FBXW4: variants seen among roughly 807,000 people sequenced by gnomAD.
FBXW4 encodes F-box/WD repeat-containing protein 4.
FBXW4 carries 40 observed loss-of-function variants against 61.8 expected under a neutral mutation model. That is an observed-to-expected ratio of 0.65 (90% CI 0.50 to 0.84). The LOEUF is 0.84. Among genes scored for constraint, FBXW4 ranks in the 40% least tolerant of loss-of-function variants. The pLI is 0.00. For synonymous variants in FBXW4, 311 were observed against 313.8 expected, an observed-to-expected ratio of 0.99 and a Z score of 0.10; for missense variants, 672 against 753.8, an observed-to-expected ratio of 0.89 and a Z score of 1.27.
intron 6 of FBXW4, among the ~76,000 whole-genome samples, chr10:101,619,002 C>G (rs1364619802): frequency 6.6e-6 from 1 of 152,130 alleles, no homozygotes; most frequent in Non-Finnish European, 1.5e-5. Flanking sequence ...GGGCCCCAGA[C>G]AGTCAACACA....
At position 101,676,402 on chromosome 10, in the gene FBXW4, C is replaced by A; in HGVS notation, c.760G>T (p.Val254Leu). Residue 254 changes from valine to leucine, a missense_variant, in exon 2 of 9, where the codon GTG (valine) becomes TTG (leucine). Transcript: ENST00000331272. ...TSVPVKERVK[V>L]SQNWRLGRCR... ...CGCCCCAGTCTCCAGTTCTGAGACA[C>A]CTTCACTCGTTCCTTCACTGGGACA... The A allele has an allele frequency of 6.2e-7, 1 of 1,613,722 alleles. No homozygotes were observed. Among genetic ancestry groups the A allele is most frequent in the Non-Finnish European group, 8.5e-7 (1 of 1,179,872 alleles).
chr10:101,639,780 A>G (rs1397019794), intron 5 of FBXW4, among the ~76,000 whole-genome samples: 1 of 152,214 alleles, frequency 6.6e-6, no homozygotes, highest in East Asian at 1.9e-4. Flanking sequence ...ATAAAGAAAG[A>G]GATGAGCACC....
At chr10:101,691,124 C>A (rs2064596227) in intron 1 of FBXW4, among the ~76,000 whole-genome samples, 1 of 152,030 alleles carries the variant, frequency 6.6e-6, no homozygotes, top group Non-Finnish European at 1.5e-5. Context: ...GATAAAAACT[C>A]ATCTCACTTA....
At chr10:101,682,055 A>G (rs2064483632) in intron 1 of FBXW4, among the ~76,000 whole-genome samples, 1 of 152,178 alleles carries the variant, frequency 6.6e-6, no homozygotes, top group Non-Finnish European at 1.5e-5. Context: ...AACGAAGTAC[A>G]ATACATGTTA....
At chr10:101,654,930 C>A (rs562036903) in intron 5 of FBXW4, among the ~76,000 whole-genome samples, 50 of 152,294 alleles carry the variant, frequency 3.3e-4, no homozygotes, top group African/African-American at 1.1e-3. Context: ...CTCAAGCAGT[C>A]CCCCCACCTC....
chr10:101,694,746 C>A lies in FBXW4; in HGVS notation c.360G>T (p.Lys120Asn). The A allele has an allele frequency of 7.3e-7, 1 of 1,365,544 alleles. No individual in the cohort carries two copies. Among genetic ancestry groups the A allele is most frequent in the South Asian group, 1.8e-5 (1 of 56,946 alleles). The allele number at this position is 1,365,544 out of a possible 1,614,324, so 84.6% of individuals were successfully genotyped here. ...GCCTAGCCCTGACCCTCCATTCCTC[C>A]TTCTTCCCATACTCTCTTCCTTGTG... ...KEAQGREYGK[K>N]EEWRVRARRR... The change falls in exon 1 of 9, where the codon AAG (lysine) becomes AAT (asparagine). Residue 120 changes from lysine (K) to asparagine (N), a missense_variant. Lys to Asn is a moderately conservative substitution (Grantham distance 94). Around this residue, in one of 5 missense-constraint regions of FBXW4, gnomAD observed 311 missense variants for 301.1 expected, o/e 1.03. Coordinates refer to ENST00000331272, the MANE Select transcript of FBXW4 (RefSeq NM_022039.4). The surrounding 1 kb of genome is among the most constrained non-coding windows in gnomAD (Gnocchi z 6.0).
intron 5 of FBXW4, among the ~76,000 whole-genome samples, chr10:101,653,848 C>G (rs547446698): frequency 2.0e-5 from 3 of 152,074 alleles, no homozygotes; most frequent in African/African-American, 7.2e-5. Context: ...CGGGGCCAGG[C>G]GCAGTGGCTC....
At chr10:101,629,280 T>A (rs2063931810) in intron 5 of FBXW4, among the ~76,000 whole-genome samples, 1 of 151,510 alleles carries the variant, frequency 6.6e-6, no homozygotes, top group Non-Finnish European at 1.5e-5. Context: ...ATGCAGTAGG[T>A]ACCACTTTCC....
At chr10:101,663,038 A>G (rs2064260942) in intron 5 of FBXW4, among the ~76,000 whole-genome samples, 1 of 152,194 alleles carries the variant, frequency 6.6e-6, no homozygotes, top group Non-Finnish European at 1.5e-5. Context: ...AGGCACAGCA[A>G]TGACAAAAGG....
At position 101,678,763 on chromosome 10, in the gene FBXW4, G is replaced by A. The variant is rs116359176; in HGVS notation, c.726-2327C>T. Reference sequence around the variant, plus strand: ...ATTTATTCGAGCCTCTACTTATACCGTCACATTTGCCAAATTTTACTAAAA... The same window carrying A: ...ATTTATTCGAGCCTCTACTTATACCATCACATTTGCCAAATTTTACTAAAA... On this transcript the variant is annotated intron_variant, in intron 1 of 8. Transcript: ENST00000331272. Among the ~76,000 whole-genome samples, 499 of 152,196 alleles carry A rather than the reference G, an allele frequency of 3.3e-3. 5 individuals are homozygous for A. The highest frequency in any genetic ancestry group is 0.012 in the African/African-American group (479 of 41,510).
intron 5 of FBXW4, among the ~76,000 whole-genome samples, chr10:101,640,484 C>CTTTTTTTTTTT (rs386372272): frequency 2.7e-4 from 23 of 83,890 alleles, no homozygotes; most frequent in South Asian, 5.2e-4. Flanking sequence ...CTTTCTTTCT[C>CTTTTTTTTTTT]TTTTTTTTTT....
rs753881830 is a variant in FBXW4 at position 101,611,394 on chromosome 10, G to A, written c.1601C>T (p.Ser534Leu). 9.3e-6 allele frequency: 15 copies of A among 1,613,428 alleles called. No homozygotes were observed. The highest frequency in any genetic ancestry group is 4.0e-5 in the African/African-American group (3 of 74,846). ...GTACACAGGGCTGCTGAGGGGAGTC[G>A]ACGTCAGCGGGAAGGCCTGGAAGGG... ...RACLHAFPLT[S>L]TPLSSPVYCL... Residue 534 changes from serine to leucine, a missense_variant, in exon 9 of 9, where the codon TCG becomes TTG. This residue lies in a region of FBXW4 where 312 missense variants were observed against 370.1 expected (regional missense o/e 0.84). Transcript: ENST00000331272. This position sits in a 1 kb window ranked among gnomAD's most constrained non-coding sequence, Gnocchi z 4.9.
chr10:101,689,917 G>A (rs1195645030), intron 1 of FBXW4, among the ~76,000 whole-genome samples: 1 of 152,142 alleles, frequency 6.6e-6, no homozygotes, highest in Non-Finnish European at 1.5e-5. Context: ...AACACCTCAG[G>A]AGCCTCACTC....
At chr10:101,680,961 C>T (rs2134907795) in intron 1 of FBXW4, among the ~76,000 whole-genome samples, 1 of 152,246 alleles carries the variant, frequency 6.6e-6, no homozygotes, top group East Asian at 1.9e-4. Context: ...AATATACTGC[C>T]ACTAGAAATG....
rs1262245359 is a variant in FBXW4, at chr10:101,672,932, T to C, written c.1123A>G (p.Arg375Gly). Reference sequence around the variant, plus strand: ...CACCTCACCTTGGCCGTCCTGTCCCTGGAGCCACTCACAATGATGCCCCCT... The same window carrying C: ...CACCTCACCTTGGCCGTCCTGTCCCCGGAGCCACTCACAATGATGCCCCCT... The part of the protein sequence containing the change: ...CKGGIIVSGS[R>G]DRTAKVWPLA... The change falls in exon 4 of 9, where the codon AGG (arginine) becomes GGG (glycine). Residue 375 changes from arginine to glycine, a missense_variant. Around this residue, in one of 5 missense-constraint regions of FBXW4, gnomAD observed 312 missense variants for 370.1 expected, o/e 0.84. Coordinates refer to ENST00000331272, the MANE Select transcript of FBXW4 (RefSeq NM_022039.4). The C allele has an allele frequency of 1.2e-6, 2 of 1,614,146 alleles. No homozygotes were observed. Among genetic ancestry groups the C allele is most frequent in the South Asian group, 2.2e-5 (2 of 91,076 alleles).
intron 5 of FBXW4, among the ~76,000 whole-genome samples, chr10:101,652,926 T>A (rs112621949): frequency 2.0e-5 from 3 of 152,220 alleles, no homozygotes; most frequent in Non-Finnish European, 4.4e-5. Context: ...TCTTTATTTC[T>A]GAATTGTCCT....
intron 1 of FBXW4, among the ~76,000 whole-genome samples, chr10:101,690,748 C>A: frequency 6.6e-6 from 1 of 152,274 alleles, no homozygotes; most frequent in East Asian, 1.9e-4. Flanking sequence ...CTCTTCGTCC[C>A]GGAGTGCAGG....
At chr10:101,627,669 A>C (rs2063918212) in intron 5 of FBXW4, among the ~76,000 whole-genome samples, 1 of 152,198 alleles carries the variant, frequency 6.6e-6, no homozygotes, top group Non-Finnish European at 1.5e-5. Flanking sequence ...AGAGGAAGAA[A>C]AGGAATTCAC....
intron 1 of FBXW4, among the ~76,000 whole-genome samples, chr10:101,677,781 C>A (rs1589777741): frequency 6.7e-6 from 1 of 150,212 alleles, no homozygotes; most frequent in Non-Finnish European, 1.5e-5. Flanking sequence ...ATAAGACTCC[C>A]TCTCTAAAAA....
Sources: allele counts gnomAD v4.1 joint callset (sites outside exome capture counted in the v4.1 genomes callset), GRCh38; gene constraint gnomAD v4.1.1; regional missense constraint gnomAD v4.1.1; non-coding constraint Gnocchi (gnomAD v3.1); transcripts MANE v1.5; gene names NCBI Gene and HGNC (gene_info 2026-07-23, HGNC 2026-07-21).